SNX29: variants seen among roughly 807,000 people sequenced by gnomAD.
The protein encoded by SNX29 is sorting nexin-29.
SNX29 carries 78 observed loss-of-function variants against 102.1 expected under a neutral mutation model. The observed-to-expected ratio is 0.76, with a 90% CI of 0.64 to 0.92. The LOEUF (loss-of-function observed/expected upper bound fraction) is 0.92. Among genes scored for constraint, SNX29 ranks in the 40% least tolerant of loss-of-function variants. The pLI, the probability that SNX29 is intolerant of heterozygous loss-of-function variation, is 0.00. For missense variants in SNX29, 1,280 were observed against 1,061.7 expected (o/e 1.21, Z -2.86); for synonymous variants, 580 against 414.5 (o/e 1.40, Z -4.85).
intron 19 of SNX29, among the ~76,000 whole-genome samples, chr16:12,512,438 G>T: frequency 7.4e-6 from 1 of 134,594 alleles, no homozygotes; most frequent in Non-Finnish European, 1.6e-5. Flanking sequence ...TTTTGAGACA[G>T]GGTCTCCCTC....
chr16:12,461,276 A>G (rs537950327), intron 18 of SNX29, among the ~76,000 whole-genome samples: 104 of 152,308 alleles, frequency 6.8e-4, no homozygotes, highest in Non-Finnish European at 1.1e-3. Flanking sequence ...TAGGTGCTCA[A>G]TAAACATTGG....
intron 3 of SNX29, among the ~76,000 whole-genome samples, chr16:12,005,792 G>C (rs770552981): frequency 6.6e-6 from 1 of 152,150 alleles, no homozygotes; most frequent in Non-Finnish European, 1.5e-5. Flanking sequence ...AAGCCAGTTG[G>C]ATTTTGGAGT....
intron 14 of SNX29, among the ~76,000 whole-genome samples, chr16:12,269,246 G>A (rs2079021568): frequency 1.3e-5 from 2 of 152,182 alleles, no homozygotes; most frequent in Non-Finnish European, 2.9e-5. Flanking sequence ...CAGGTAAGTA[G>A]ACTGCGGATT....
chr16:12,225,345 A>T (rs1440651913), intron 14 of SNX29, among the ~76,000 whole-genome samples: 1 of 151,920 alleles, frequency 6.6e-6, no homozygotes, highest in East Asian at 1.9e-4. Context: ...CACAAGTCCC[A>T]CGTGTTGTGG....
At chr16:12,248,937 C>G (rs2078341866) in intron 14 of SNX29, among the ~76,000 whole-genome samples, 1 of 152,164 alleles carries the variant, frequency 6.6e-6, no homozygotes, top group Non-Finnish European at 1.5e-5. Context: ...TAGTGTGGAG[C>G]ATGCTGTAGT....
intron 20 of SNX29, among the ~76,000 whole-genome samples, chr16:12,547,567 C>A (rs887734014): frequency 7.2e-5 from 11 of 152,042 alleles, no homozygotes; most frequent in African/African-American, 2.7e-4. Context: ...GTTAACATCC[C>A]CCTCCCTCAC....
chr16:12,559,113 A>C (rs756852313), intron 20 of SNX29, among the ~76,000 whole-genome samples: 6 of 152,122 alleles, frequency 3.9e-5, no homozygotes, highest in Admixed American at 1.3e-4. Context: ...GTAGTAGTCA[A>C]ATCAGGCTTG....
At chr16:12,426,732 C>A (rs1458235590) in intron 18 of SNX29, among the ~76,000 whole-genome samples, 1 of 152,216 alleles carries the variant, frequency 6.6e-6, no homozygotes, top group African/African-American at 2.4e-5. Flanking sequence ...GTGGCGCGAT[C>A]TCAGCTCACT....
At chr16:12,284,850 G>C (rs780657154) in intron 15 of SNX29, among the ~76,000 whole-genome samples, 2 of 151,716 alleles carry the variant, frequency 1.3e-5, no homozygotes, top group Non-Finnish European at 2.9e-5. Context: ...TCAGCCTCCC[G>C]AGTAGCTGAG....
intron 18 of SNX29, among the ~76,000 whole-genome samples, chr16:12,426,252 G>C (rs982941955): frequency 6.6e-6 from 1 of 152,156 alleles, no homozygotes; most frequent in Admixed American, 6.5e-5. Context: ...TCATGGGTCA[G>C]CTGTGGCCTG....
At chr16:12,465,873 T>A (rs534032468) in intron 18 of SNX29, among the ~76,000 whole-genome samples, 1 of 152,072 alleles carries the variant, frequency 6.6e-6, no homozygotes, top group East Asian at 1.9e-4. Flanking sequence ...CAATGTCTGA[T>A]ACTTTTAAGC....
intron 4 of SNX29, among the ~76,000 whole-genome samples, chr16:12,029,329 C>T (rs905521971): frequency 3.0e-4 from 45 of 151,962 alleles, no homozygotes; most frequent in African/African-American, 9.9e-4. Flanking sequence ...TTTCATGGTT[C>T]CTGAGGTACC....
chr16:12,558,216 C>G (rs1240308260), intron 20 of SNX29, among the ~76,000 whole-genome samples: 2 of 81,096 alleles, frequency 2.5e-5, no homozygotes, highest in African/African-American at 5.4e-5. Flanking sequence ...AGAACCATCA[C>G]AGAGCCTCTC....
intron 20 of SNX29, among the ~76,000 whole-genome samples, chr16:12,567,722 A>G (rs2079070245): frequency 6.6e-6 from 1 of 152,162 alleles, no homozygotes; most frequent in South Asian, 2.1e-4. Context: ...TCATTACACG[A>G]TTGCACTGTA....
At chr16:11,979,115 A>G (rs1451220372) in intron 1 of SNX29, among the ~76,000 whole-genome samples, 2 of 151,274 alleles carry the variant, frequency 1.3e-5, no homozygotes. Flanking sequence ...TCTCTACTAA[A>G]AATACAAAAA....
chr16:12,534,643 C>A (rs995127604), intron 20 of SNX29, among the ~76,000 whole-genome samples: 53 of 152,322 alleles, frequency 3.5e-4, no homozygotes, highest in African/African-American at 1.2e-3. Flanking sequence ...GTAAAATTCA[C>A]CTGAAGGAGT....
At chr16:12,104,304 C>G (rs2053140477) in intron 11 of SNX29, among the ~76,000 whole-genome samples, 1 of 152,080 alleles carries the variant, frequency 6.6e-6, no homozygotes. Flanking sequence ...GCCTGTAATC[C>G]CAGCACTTTG....
intron 16 of SNX29, among the ~76,000 whole-genome samples, chr16:12,359,362 G>T (rs188848411): frequency 2.0e-5 from 3 of 152,286 alleles, no homozygotes; most frequent in East Asian, 3.9e-4. Flanking sequence ...CATGAGATGG[G>T]TTTAACTTGC....
At chr16:12,263,704 TGTTA>T (rs1393503062) in intron 14 of SNX29, among the ~76,000 whole-genome samples, 2 of 152,220 alleles carry the variant, frequency 1.3e-5, no homozygotes, top group Non-Finnish European at 2.9e-5. Context: ...AAATGTACCT[TGTTA>T]GTTGGATGGC....
Sources: gnomAD v4.1 joint callset for allele counts (sites outside exome capture counted in the v4.1 genomes callset) on GRCh38, gnomAD v4.1.1 for gene constraint, MANE v1.5 for transcripts, NCBI Gene and HGNC (gene_info 2026-07-23, HGNC 2026-07-21) for gene names.